The following FBXL7 variants were observed in gnomAD, a reference collection of about 807,000 sequenced individuals.
FBXL7 encodes F-box and leucine rich repeat protein 7, also known as F-box/LRR-repeat protein 7.
Under a neutral mutation model 38.3 loss-of-function variants are expected in FBXL7, and 12 were observed. The ratio of observed to expected loss-of-function variants is 0.31; its 90% CI spans 0.20 to 0.51. FBXL7 has a LOEUF of 0.51. Ranked by LOEUF, FBXL7 falls within the 20% of genes least tolerant of loss-of-function variation. The pLI is 0.98. For missense variants in FBXL7, 567 were observed against 676.4 expected (o/e 0.84, Z 1.79); for synonymous variants, 297 against 300.9 (o/e 0.99, Z 0.13).
At chr5:15,904,074 T>C (rs1741297908) in intron 2 of FBXL7, among the ~76,000 whole-genome samples, 2 of 152,172 alleles carry the variant, frequency 1.3e-5, no homozygotes, top group South Asian at 4.1e-4. Flanking sequence ...GATAAGAGTA[T>C]CTCTAAATCT....
intron 2 of FBXL7, among the ~76,000 whole-genome samples, chr5:15,749,690 G>C (rs1162890727): frequency 6.6e-6 from 1 of 152,222 alleles, no homozygotes; most frequent in Non-Finnish European, 1.5e-5. Flanking sequence ...GAAGACATCA[G>C]TAATGAAAAT....
At chr5:15,864,403 CT>C (rs966433235) in intron 2 of FBXL7, among the ~76,000 whole-genome samples, 6 of 150,240 alleles carry the variant, frequency 4.0e-5, no homozygotes, top group Admixed American at 1.3e-4. Flanking sequence ...GTAAATCAAA[CT>C]TTTTTTTTCC....
intron 1 of FBXL7, among the ~76,000 whole-genome samples, chr5:15,522,892 A>G (rs1443014433): frequency 6.6e-6 from 1 of 152,258 alleles, no homozygotes; most frequent in African/African-American, 2.4e-5. Flanking sequence ...TTCAATGACA[A>G]TAGTGGGTCT....
At chr5:15,664,073 T>C (rs1160161975) in intron 2 of FBXL7, among the ~76,000 whole-genome samples, 1 of 152,210 alleles carries the variant, frequency 6.6e-6, no homozygotes, top group Non-Finnish European at 1.5e-5. Context: ...TTTGCTGTTG[T>C]TTTTATGATT....
At chr5:15,738,359 A>C (rs1735810404) in intron 2 of FBXL7, among the ~76,000 whole-genome samples, 1 of 152,198 alleles carries the variant, frequency 6.6e-6, no homozygotes, top group Admixed American at 6.5e-5. Flanking sequence ...AAAAATATAT[A>C]ATTAGGAACC....
chr5:15,629,668 C>T (rs571102520), intron 2 of FBXL7, among the ~76,000 whole-genome samples: 2 of 152,192 alleles, frequency 1.3e-5, no homozygotes, highest in African/African-American at 4.8e-5. Context: ...GGTATCATTC[C>T]TCCACTTGGT....
chr5:15,932,249 AC>A (rs769086837), intron 3 of FBXL7, among the ~76,000 whole-genome samples: 1 of 152,188 alleles, frequency 6.6e-6, no homozygotes, highest in Non-Finnish European at 1.5e-5. Flanking sequence ...AAGTTCTCAA[AC>A]ACATGCTCTG....
chr5:15,921,832 A>G (rs1741750291), intron 2 of FBXL7, among the ~76,000 whole-genome samples: 1 of 152,204 alleles, frequency 6.6e-6, no homozygotes, highest in Non-Finnish European at 1.5e-5. Context: ...GTTATCAAAA[A>G]GACAAGAGAT....
At chr5:15,609,785 A>T (rs1191944338) in intron 1 of FBXL7, among the ~76,000 whole-genome samples, 1 of 152,202 alleles carries the variant, frequency 6.6e-6, no homozygotes, top group Admixed American at 6.5e-5. Flanking sequence ...CTGCTGGCTG[A>T]GCAGTCTTGA....
intron 1 of FBXL7, among the ~76,000 whole-genome samples, chr5:15,548,909 G>T (rs750842483): frequency 6.6e-6 from 1 of 152,164 alleles, no homozygotes; most frequent in African/African-American, 2.4e-5. Context: ...TGGTGGGCAC[G>T]GGGGTGACTG....
At chr5:15,839,384 TTAGTC>T (rs1380678465) in intron 2 of FBXL7, among the ~76,000 whole-genome samples, 1 of 152,142 alleles carries the variant, frequency 6.6e-6, no homozygotes, top group Middle Eastern at 3.2e-3. Flanking sequence ...ATTTAGGTCT[TTAGTC>T]TATTTAGAGT....
chr5:15,583,075 C>T (rs980314972), intron 1 of FBXL7, among the ~76,000 whole-genome samples: 13 of 151,964 alleles, frequency 8.6e-5, no homozygotes, highest in Non-Finnish European at 1.8e-4. Flanking sequence ...CCTCAGAAAA[C>T]TTACAGTCAT....
chr5:15,630,953 T>G (rs1427189656), intron 2 of FBXL7, among the ~76,000 whole-genome samples: 1 of 152,098 alleles, frequency 6.6e-6, no homozygotes, highest in Non-Finnish European at 1.5e-5. Flanking sequence ...TTGTGAGGAG[T>G]AAATTAAAAA....
chr5:15,803,031 C>T lies in FBXL7; in HGVS notation c.128-124859C>T, dbSNP rs1484515710. ...AAATTTCATGCTATTTATCATTCCTCTGGAGAAAATGAGACCCATGAGGAC... is the reference window on the plus strand; with the variant it reads ...AAATTTCATGCTATTTATCATTCCTTTGGAGAAAATGAGACCCATGAGGAC... On this transcript the variant is annotated intron_variant, in intron 2 of 3. Coordinates refer to ENST00000504595, the MANE Select transcript of FBXL7 (RefSeq NM_012304.5). Among the ~76,000 whole-genome samples, 3 of 152,154 alleles carry T rather than the reference C, an allele frequency of 2.0e-5. No individual in the cohort carries two copies. In the East Asian group the frequency reaches 5.8e-4, roughly 29 times the overall value.
intron 2 of FBXL7, among the ~76,000 whole-genome samples, chr5:15,848,404 C>T (rs1035906612): frequency 3.3e-4 from 50 of 151,920 alleles, no homozygotes; most frequent in African/African-American, 5.8e-4. Flanking sequence ...TTTTTTGAGA[C>T]GGAGTCTAGC....
At chr5:15,522,092 A>G (rs1737112029) in intron 1 of FBXL7, among the ~76,000 whole-genome samples, 1 of 152,232 alleles carries the variant, frequency 6.6e-6, no homozygotes, top group South Asian at 2.1e-4. Flanking sequence ...GGGAATGCCT[A>G]AATGAGGGCT....
At chr5:15,843,472 A>G (rs550671293) in intron 2 of FBXL7, among the ~76,000 whole-genome samples, 2 of 152,340 alleles carry the variant, frequency 1.3e-5, no homozygotes, top group South Asian at 2.1e-4. Context: ...AATTGAAAAT[A>G]TGAATCTTTC....
chr5:15,675,450 C>A (rs1207027402), intron 2 of FBXL7, among the ~76,000 whole-genome samples: 1 of 152,146 alleles, frequency 6.6e-6, no homozygotes, highest in East Asian at 1.9e-4. Context: ...TTTTGAAGGC[C>A]TGAAAAGGCT....
intron 2 of FBXL7, among the ~76,000 whole-genome samples, chr5:15,754,900 A>G (rs757437082): frequency 1.1e-4 from 16 of 152,178 alleles, no homozygotes; most frequent in Non-Finnish European, 2.1e-4. Context: ...ACAGGACAAC[A>G]CTTGCTCACT....
Sources: gnomAD v4.1 joint callset for allele counts (sites outside exome capture counted in the v4.1 genomes callset) on GRCh38, gnomAD v4.1.1 for gene constraint, MANE v1.5 for transcripts, NCBI Gene and HGNC (gene_info 2026-07-23, HGNC 2026-07-21) for gene names.